PIK3R4: variants seen among roughly 807,000 people sequenced by gnomAD.
PIK3R4 encodes the protein phosphoinositide 3-kinase regulatory subunit 4.
Under a neutral mutation model 136.5 loss-of-function variants are expected in PIK3R4, and 46 were observed. The observed-to-expected ratio is 0.34, with a 90% CI of 0.27 to 0.43. The LOEUF (loss-of-function observed/expected upper bound fraction) is 0.43, where lower values mean the gene tolerates loss of function less well. Among genes scored for constraint, PIK3R4 ranks in the 20% least tolerant of loss-of-function variants. The pLI, the probability that PIK3R4 is intolerant of heterozygous loss-of-function variation, is 1.00. For synonymous variants in PIK3R4, 557 were observed against 566.7 expected, an observed-to-expected ratio of 0.98 and a Z score of 0.24; for missense variants, 1,331 against 1,649.5, an observed-to-expected ratio of 0.81 and a Z score of 3.35.
rs185932745 is a variant in PIK3R4, at chr3:130,694,108, C to A, written c.3099-3454G>T. 1.6e-4 allele frequency among the ~76,000 whole-genome samples: 24 copies of A among 152,156 alleles called. No homozygotes were observed. In the East Asian group the frequency reaches 4.6e-3, roughly 29 times the overall value. On this transcript the variant is annotated intron_variant, in intron 13 of 19. Coordinates refer to ENST00000356763, the MANE Select transcript of PIK3R4 (RefSeq NM_014602.3). Reference sequence around the variant, plus strand: ...AGTTCTATACCATGAATATATGACACAGACATAGACATAGACATGATCTAT... The same window carrying A: ...AGTTCTATACCATGAATATATGACAAAGACATAGACATAGACATGATCTAT...
At chr3:130,736,689 G>A (rs1221936276) in intron 2 of PIK3R4, among the ~76,000 whole-genome samples, 2 of 151,874 alleles carry the variant, frequency 1.3e-5, no homozygotes, top group Non-Finnish European at 2.9e-5. Context: ...TGGACTTACA[G>A]ACATTAGATT....
At chr3:130,726,807 AATAG>A (rs1009566691) in intron 6 of PIK3R4, among the ~76,000 whole-genome samples, 4 of 152,046 alleles carry the variant, frequency 2.6e-5, no homozygotes, top group African/African-American at 7.2e-5. Flanking sequence ...TGAATTGACC[AATAG>A]ATAGGGGAAG....
chr3:130,725,490 T>A (rs1247858469), intron 6 of PIK3R4, among the ~76,000 whole-genome samples: 1 of 151,268 alleles, frequency 6.6e-6, no homozygotes, highest in Non-Finnish European at 1.5e-5. Flanking sequence ...AACAGTTAAG[T>A]GTAAAAACTA....
Position 130,706,968 on chromosome 3 carries a change from G to A in PIK3R4, c.2701C>T (p.Pro901Ser), listed in dbSNP as rs776909234. 1.2e-6 allele frequency: 2 copies of A among 1,609,956 alleles called. No homozygotes were observed. Among genetic ancestry groups the A allele is most frequent in the Admixed American group, 3.4e-5 (2 of 59,240 alleles). ...RSESSAGICV[P>S]LSTSSQVPEV... ...AGTACCTGTGAAGAAGTTGACAAAG[G>A]GACACAAATGCCAGCAGAGGACTCG... is the stretch of plus-strand genomic sequence containing the variant. The change falls in exon 11 of 20, where the codon CCT (proline) becomes TCT (serine). Residue 901 changes from proline (P) to serine (S), a missense_variant. Physicochemically the swap from Pro to Ser is moderately conservative, Grantham distance 74. Transcript: ENST00000356763.
intron 15 of PIK3R4, among the ~76,000 whole-genome samples, chr3:130,684,917 C>T (rs1553726826): frequency 6.6e-6 from 1 of 151,066 alleles, no homozygotes; most frequent in African/African-American, 2.4e-5. Context: ...ACACAAAAGG[C>T]AAAAAAAATG....
chr3:130,702,791 C>A (rs2066582147), intron 13 of PIK3R4, among the ~76,000 whole-genome samples: 1 of 152,162 alleles, frequency 6.6e-6, no homozygotes, highest in Non-Finnish European at 1.5e-5. Context: ...TCACATCATG[C>A]ATATTTAAAG....
At chr3:130,687,340 G>C (rs1167765577) in intron 14 of PIK3R4, among the ~76,000 whole-genome samples, 3 of 152,120 alleles carry the variant, frequency 2.0e-5, no homozygotes, top group Non-Finnish European at 4.4e-5. Context: ...TTTCAGATTA[G>C]AAATGTTTAA....
intron 9 of PIK3R4, among the ~76,000 whole-genome samples, chr3:130,712,481 C>T (rs1217438301): frequency 1.3e-5 from 2 of 151,918 alleles, no homozygotes; most frequent in African/African-American, 4.8e-5. Context: ...CCAGCCTGAC[C>T]AACATGGAGA....
intron 6 of PIK3R4, among the ~76,000 whole-genome samples, chr3:130,725,192 C>T (rs2066724625): frequency 6.6e-6 from 1 of 151,662 alleles, no homozygotes; most frequent in Non-Finnish European, 1.5e-5. Context: ...GAAACTTACC[C>T]TATCAGATGA....
intron 13 of PIK3R4, among the ~76,000 whole-genome samples, chr3:130,699,339 C>T (rs891289106): frequency 6.6e-6 from 1 of 152,162 alleles, no homozygotes; most frequent in Non-Finnish European, 1.5e-5. Flanking sequence ...GAAAACAGAA[C>T]TTTTCAGCCA....
At position 130,723,483 on chromosome 3, in the gene PIK3R4, C is replaced by T; in HGVS notation, c.1912G>A (p.Ala638Thr). The T allele has an allele frequency of 6.2e-7, 1 of 1,613,938 alleles. No individual in the cohort carries two copies. Among genetic ancestry groups the T allele is most frequent in the East Asian group, 2.2e-5 (1 of 44,856 alleles). Residue 638 changes from alanine (A) to threonine (T), a missense_variant, in exon 7 of 20, where the codon GCC (alanine) becomes ACC (threonine). Around this residue, in one of 2 missense-constraint regions of PIK3R4, gnomAD observed 1,180 missense variants for 1,407.0 expected, o/e 0.84. Transcript: ENST00000356763. Reference protein sequence around the residue: ...EEFVIVKALYALTCMCQLGLL... With the variant: ...EEFVIVKALYTLTCMCQLGLL... The stretch of plus-strand genomic sequence containing the variant: ...CCTAACTGGCACATACAAGTAAGGG[C>T]ATAAAGAGCTTTCACAATGACAAAT...
chr3:130,709,363 T>C (rs2066622330), intron 9 of PIK3R4, among the ~76,000 whole-genome samples: 1 of 152,266 alleles, frequency 6.6e-6, no homozygotes. Context: ...AAAACATTCA[T>C]TTAATAAAAT....
At chr3:130,704,974 G>A (rs2066598627) in intron 12 of PIK3R4, among the ~76,000 whole-genome samples, 1 of 151,962 alleles carries the variant, frequency 6.6e-6, no homozygotes, top group African/African-American at 2.4e-5. Context: ...GGGATCACAG[G>A]CGTGTGCCAC....
intron 5 of PIK3R4, among the ~76,000 whole-genome samples, chr3:130,729,330 A>T (rs1442839883): frequency 6.6e-6 from 1 of 152,214 alleles, no homozygotes; most frequent in East Asian, 1.9e-4. Flanking sequence ...GCAGGCTCCT[A>T]ATTGCCTGAT....
At position 130,706,061 on chromosome 3, in the gene PIK3R4, G is replaced by C. The variant is rs189879567; in HGVS notation, c.2722-290C>G. 2.8e-3 allele frequency among the ~76,000 whole-genome samples: 421 copies of C among 152,174 alleles called. 2 individuals are homozygous for C. Among genetic ancestry groups the C allele is most frequent in the African/African-American group, 9.8e-3 (407 of 41,516 alleles). Reference sequence around the variant, plus strand: ...AACAAAAATTATCATTAAGTGAAAAGAAGAAATGGAATTTCAATTCAATTA... The same window carrying C: ...AACAAAAATTATCATTAAGTGAAAACAAGAAATGGAATTTCAATTCAATTA... On this transcript the variant is annotated intron_variant, in intron 11 of 19. Coordinates refer to ENST00000356763, the MANE Select transcript of PIK3R4 (RefSeq NM_014602.3).
chr3:130,700,037 G>A (rs184500502), intron 13 of PIK3R4, among the ~76,000 whole-genome samples: 1 of 152,314 alleles, frequency 6.6e-6, no homozygotes, highest in African/African-American at 2.4e-5. Flanking sequence ...TTGTCTCACT[G>A]AGAGAGGCCT....
At position 130,703,685 on chromosome 3, in the gene PIK3R4, T is replaced by A. The variant is rs772418836; in HGVS notation, c.3098+38A>T. ...AACACTCAATAAACATTTGTTGATT[T>A]GAATTAATGAACTGATTCATTCCTG... On this transcript the variant is annotated intron_variant, in intron 13 of 19. Transcript: ENST00000356763. 6.7e-6 allele frequency: 10 copies of A among 1,487,230 alleles called. No homozygotes were observed. In the African/African-American group the frequency reaches 1.4e-4, roughly 21 times the overall value. 92.1% of individuals were successfully genotyped at this position (1,487,230 alleles called of 1,614,324 possible).
In PIK3R4 at chr3:130,706,950, G is replaced by A; in HGVS notation, c.2719C>T (p.Gln907Ter). Residue 907 changes from glutamine to a stop codon, truncating the protein, a stop_gained and splice_region_variant, in exon 11 of 20, where the codon CAG becomes TAG. Transcript: ENST00000356763. LOFTEE classifies it high-confidence loss of function. ...GICVPLSTSS[Q>*]VPEVTTVQNK... Reference sequence around the variant, plus strand: ...CTACTGACTGGGTGACACAGTACCTGTGAAGAAGTTGACAAAGGGACACAA... The same window carrying A: ...CTACTGACTGGGTGACACAGTACCTATGAAGAAGTTGACAAAGGGACACAA... 1 of 1,607,312 alleles carries A rather than the reference G, an allele frequency of 6.2e-7. No individual in the cohort carries two copies.
chr3:130,679,405 A>T lies in PIK3R4; in HGVS notation c.3987T>A (p.His1329Gln), dbSNP rs1214894891. Reference protein sequence around the residue: ...RGPESLPVGHHDIITDVATFQ... With the variant: ...RGPESLPVGHQDIITDVATFQ... Reference sequence around the variant, plus strand: ...ATGTGGCGACATCAGTGATGATGTCATGATGTCCCACGGGCAGGGACTCTG... The same window carrying T: ...ATGTGGCGACATCAGTGATGATGTCTTGATGTCCCACGGGCAGGGACTCTG... Residue 1329 changes from histidine (H) to glutamine (Q), a missense_variant, in exon 20 of 20, where the codon CAT becomes CAA. By Grantham distance (24) the His-to-Gln change is conservative. Around this residue, in one of 2 missense-constraint regions of PIK3R4, gnomAD observed 1,180 missense variants for 1,407.0 expected, o/e 0.84. Transcript: ENST00000356763. 2 of 1,608,410 alleles carry T rather than the reference A, an allele frequency of 1.2e-6. No homozygotes were observed. Among genetic ancestry groups the T allele is most frequent in the Admixed American group, 1.7e-5 (1 of 60,014 alleles).
Sources: gnomAD v4.1 joint callset for allele counts (sites outside exome capture counted in the v4.1 genomes callset) on GRCh38, gnomAD v4.1.1 for gene constraint, gnomAD v4.1.1 regional missense constraint, MANE v1.5 for transcripts, NCBI Gene and HGNC (gene_info 2026-07-23, HGNC 2026-07-21) for gene names.